ALKBH1: variants seen among roughly 807,000 people sequenced by gnomAD.
The protein encoded by ALKBH1 is alkB homolog 1, histone H2A dioxygenase.
ALKBH1 carries 31 observed loss-of-function variants against 36.6 expected under a neutral mutation model. The ratio of observed to expected loss-of-function variants is 0.85; its 90% CI spans 0.64 to 1.14. The LOEUF is 1.14. Ranked by LOEUF, ALKBH1 falls within the 50% of genes most tolerant of loss-of-function variation. The pLI is 0.00. For missense variants in ALKBH1, 490 were observed against 497.3 expected (o/e 0.99, Z 0.14); for synonymous variants, 183 against 186.6 (o/e 0.98, Z 0.16).
Position 77,694,857 on chromosome 14 carries a change from C to T in ALKBH1, c.336G>A (p.Trp112Ter), listed in dbSNP as rs1419864613. 7 of 1,582,030 alleles carry T rather than the reference C, an allele frequency of 4.4e-6. No homozygotes were observed. Among genetic ancestry groups the T allele is most frequent in the Non-Finnish European group, 5.1e-6 (6 of 1,166,298 alleles). The change falls in exon 3 of 6, where the codon TGG becomes TGA. Residue 112 changes from tryptophan (W) to a stop codon, truncating the protein, a stop_gained. Transcript: ENST00000216489. LOFTEE classifies it high-confidence loss of function. ...IPNPFLPGYQ[W>*]HWVKQCLKLY... The stretch of plus-strand genomic sequence containing the variant: ...ACTTAAGGCACTGTTTCACCCAGTG[C>T]CACTGGTAACCTGGGAGGAAGGGGT...
chr14:77,676,711 C>T (rs1225295916), intron 4 of ALKBH1, among the ~76,000 whole-genome samples: 2 of 152,204 alleles, frequency 1.3e-5, no homozygotes, highest in African/African-American at 4.8e-5. Flanking sequence ...AGCACGAGCT[C>T]TCTCTGTACT....
In ALKBH1 at chr14:77,673,929, C is replaced by G; in HGVS notation, c.1053G>C (p.Gln351His). The part of the protein sequence containing the change: ...MTVRQVLATD[Q>H]NFPLEPIEDE... ...CCTCGATGGGTTCTAGAGGGAAATTCTGGTCTGTGGCCAGGACCTGTCGGA... is the reference window on the plus strand; with the variant it reads ...CCTCGATGGGTTCTAGAGGGAAATTGTGGTCTGTGGCCAGGACCTGTCGGA... Residue 351 changes from glutamine (Q) to histidine (H), a missense_variant, in exon 6 of 6, where the codon CAG (glutamine) becomes CAC (histidine). Transcript: ENST00000216489. 1 of 1,614,202 alleles carries G rather than the reference C, an allele frequency of 6.2e-7. No homozygotes were observed. Among genetic ancestry groups the G allele is most frequent in the Non-Finnish European group, 8.5e-7 (1 of 1,180,044 alleles).
intron 1 of ALKBH1, among the ~76,000 whole-genome samples, chr14:77,704,963 T>C (rs1234728235): frequency 2.6e-5 from 4 of 152,226 alleles, no homozygotes; most frequent in Admixed American, 6.5e-5. Flanking sequence ...CAACTTCTTA[T>C]GGGGCTGAAT....
chr14:77,704,400 C>T lies in ALKBH1; in HGVS notation c.261G>A (p.Lys87=). 1 of 1,614,174 alleles carries T rather than the reference C, an allele frequency of 6.2e-7. No individual in the cohort carries two copies. Among genetic ancestry groups the T allele is most frequent in the Middle Eastern group, 1.6e-4 (1 of 6,062 alleles). The change falls in exon 2 of 6, where the codon AAG becomes AAA. Residue 87 remains lysine, a synonymous_variant. Transcript: ENST00000216489. The part of the protein sequence containing the change: ...AYRAGLQPVS[K]WQAYGLKGYP... ...AGCCTTTGAGTCCATAGGCTTGCCA[C>T]TTGCTGACGGGCTGAAGACCTGCTC...
intron 2 of ALKBH1, among the ~76,000 whole-genome samples, chr14:77,701,562 C>T (rs538334773): frequency 2.0e-5 from 3 of 152,138 alleles, no homozygotes; most frequent in Non-Finnish European, 4.4e-5. Flanking sequence ...GGTTTCCAGG[C>T]CTATTATCCT....
chr14:77,683,551 A>T, intron 3 of ALKBH1: 1 of 572,850 alleles, frequency 1.7e-6, no homozygotes, highest in Non-Finnish European at 3.2e-6. Context: ...ACCCATTCCC[A>T]TTCCCTTAAT....
chr14:77,676,662 A>C (rs1294877287), intron 4 of ALKBH1, among the ~76,000 whole-genome samples: 1 of 152,234 alleles, frequency 6.6e-6, no homozygotes, highest in African/African-American at 2.4e-5. Context: ...TTTGAGACAA[A>C]GGTACCATAC....
intron 3 of ALKBH1, among the ~76,000 whole-genome samples, chr14:77,684,699 T>A (rs1435732579): frequency 6.6e-6 from 1 of 152,264 alleles, no homozygotes; most frequent in South Asian, 2.1e-4. Flanking sequence ...AGGTGTGTGC[T>A]ACCATGCCTG....
In ALKBH1 at chr14:77,674,159, T is replaced by A. The variant is rs1461194953; in HGVS notation, c.823A>T (p.Ile275Phe). 1.2e-6 allele frequency: 2 copies of A among 1,614,120 alleles called. No homozygotes were observed. The highest frequency in any genetic ancestry group is 1.7e-5 in the Admixed American group (1 of 60,004). ...PTAMFMHSGDIMIMSGFSRLL... is the reference protein window; with the variant it reads ...PTAMFMHSGDFMIMSGFSRLL... ...CGGCTGAAACCCGACATTATCATGA[T>A]GTCACCACTGTGCATAAACATGGCC... Residue 275 changes from isoleucine (I) to phenylalanine (F), a missense_variant, in exon 6 of 6, where the codon ATC (isoleucine) becomes TTC (phenylalanine). By Grantham distance (21) the Ile-to-Phe change is conservative. Coordinates refer to ENST00000216489, the MANE Select transcript of ALKBH1 (RefSeq NM_006020.3).
chr14:77,692,940 T>C (rs2139857326), intron 3 of ALKBH1, among the ~76,000 whole-genome samples: 1 of 151,790 alleles, frequency 6.6e-6, no homozygotes, highest in South Asian at 2.1e-4. Context: ...GGGAAGTGCC[T>C]TACACCTGTA....
chr14:77,678,232 C>T (rs4899669), intron 4 of ALKBH1, among the ~76,000 whole-genome samples: 18,772 of 151,924 alleles, frequency 0.12, 1,500 homozygotes, highest in African/African-American at 0.22. Flanking sequence ...CTATCATTAC[C>T]GGAGGAAGGA....
intron 3 of ALKBH1, among the ~76,000 whole-genome samples, chr14:77,688,909 C>T (rs1328217458): frequency 6.6e-6 from 1 of 151,828 alleles, no homozygotes; most frequent in Non-Finnish European, 1.5e-5. Flanking sequence ...GCAACCACTG[C>T]ATTTTCAGTC....
intron 5 of ALKBH1, among the ~76,000 whole-genome samples, chr14:77,674,979 C>A (rs900398065): frequency 5.3e-5 from 8 of 152,074 alleles, no homozygotes; most frequent in African/African-American, 1.9e-4. Flanking sequence ...AAACTTGGCA[C>A]AAATTTAAAC....
At chr14:77,684,841 C>T (rs1254222702) in intron 3 of ALKBH1, among the ~76,000 whole-genome samples, 2 of 152,268 alleles carry the variant, frequency 1.3e-5, no homozygotes, top group African/African-American at 4.8e-5. Context: ...AGCCACCATG[C>T]CCAGCCTCAT....
At chr14:77,691,721 G>A (rs1163351649) in intron 3 of ALKBH1, 1 of 152,044 alleles carries the variant, frequency 6.6e-6, no homozygotes, top group Non-Finnish European at 1.5e-5. Flanking sequence ...CCAAAAAAAA[G>A]GTATCTCACC....
rs760067782 is a variant in ALKBH1, at chr14:77,708,001, C to G, written c.4G>C (p.Gly2Arg). The change falls in exon 1 of 6, where the codon GGG becomes CGG. Residue 2 changes from glycine (G) to arginine (R), a missense_variant. Gly to Arg is a moderately radical substitution (Grantham distance 125). Transcript: ENST00000216489. The part of the protein sequence containing the change: M[G>R]KMAAAVGSVA... Reference sequence around the variant, plus strand: ...GAGCCCACGGCCGCTGCCATCTTCCCCATCTCGCGGCCTATACCCTCTGAT... The same window carrying G: ...GAGCCCACGGCCGCTGCCATCTTCCGCATCTCGCGGCCTATACCCTCTGAT... 4.4e-6 allele frequency: 7 copies of G among 1,609,074 alleles called. No individual in the cohort carries two copies. Among genetic ancestry groups the G allele is most frequent in the Non-Finnish European group, 5.9e-6 (7 of 1,176,860 alleles).
chr14:77,680,544 C>T (rs955007824), intron 3 of ALKBH1, among the ~76,000 whole-genome samples: 1 of 152,112 alleles, frequency 6.6e-6, no homozygotes, highest in Non-Finnish European at 1.5e-5. Context: ...GCTTAGCTAA[C>T]AATTAAGGCA....
chr14:77,685,999 C>G (rs1295403069), intron 3 of ALKBH1, among the ~76,000 whole-genome samples: 1 of 152,148 alleles, frequency 6.6e-6, no homozygotes, highest in Non-Finnish European at 1.5e-5. Flanking sequence ...ATTTTATATT[C>G]TCTTCTGAAA....
chr14:77,706,219 C>T (rs1297611456), intron 1 of ALKBH1, among the ~76,000 whole-genome samples: 1 of 151,844 alleles, frequency 6.6e-6, no homozygotes, highest in Non-Finnish European at 1.5e-5. Context: ...GATGTATAAC[C>T]AGTCTCTATA....
Sources: allele counts gnomAD v4.1 joint callset (sites outside exome capture counted in the v4.1 genomes callset), GRCh38; gene constraint gnomAD v4.1.1; transcripts MANE v1.5; gene names NCBI Gene and HGNC (gene_info 2026-07-23, HGNC 2026-07-21).